Variants in MXI1 observed in about 807,000 individuals in gnomAD.
The protein encoded by MXI1 is max-interacting protein 1.
A neutral mutation model predicts 36.9 loss-of-function variants in MXI1; 18 were observed. That is an observed-to-expected ratio of 0.49 (90% confidence interval 0.34 to 0.72). The LOEUF (loss-of-function observed/expected upper bound fraction) is 0.72, where lower values mean the gene tolerates loss of function less well. Ranked by LOEUF, MXI1 falls within the 30% of genes least tolerant of loss-of-function variation. MXI1 has a pLI of 0.01. For synonymous variants in MXI1, 160 were observed against 146.7 expected, an observed-to-expected ratio of 1.09 and a Z score of -0.65; for missense variants, 304 against 379.1, an observed-to-expected ratio of 0.80 and a Z score of 1.64.
intron 1 of MXI1, among the ~76,000 whole-genome samples, chr10:110,223,991 CA>C (rs201838013): frequency 9.2e-5 from 13 of 141,678 alleles, no homozygotes; most frequent in East Asian, 2.0e-4. Flanking sequence ...TTCACTTTAC[CA>C]AAAAAAAAGA....
intron 3 of MXI1, among the ~76,000 whole-genome samples, chr10:110,269,267 A>G (rs533520462): frequency 6.6e-6 from 1 of 152,274 alleles, no homozygotes; most frequent in African/African-American, 2.4e-5. Flanking sequence ...CTTGGGCCAG[A>G]TTGTTCCTGT....
chr10:110,227,951 G>A, intron 1 of MXI1: 1 of 492,578 alleles, frequency 2.0e-6, no homozygotes, highest in Non-Finnish European at 3.6e-6. Flanking sequence ...AAGGATTTTG[G>A]AAAGGGGGGA....
chr10:110,256,241 T>C (rs1856288106), intron 3 of MXI1, among the ~76,000 whole-genome samples: 1 of 152,114 alleles, frequency 6.6e-6, no homozygotes, highest in Non-Finnish European at 1.5e-5. Flanking sequence ...GATGTTGCAT[T>C]AGGCATTGGT....
intron 1 of MXI1, among the ~76,000 whole-genome samples, chr10:110,220,502 T>C (rs113295022): frequency 0.053 from 8,044 of 152,240 alleles, 329 homozygotes; most frequent in Middle Eastern, 0.15. Context: ...TGTGGTTTAG[T>C]GTTCAGGGCC....
At chr10:110,260,946 C>G (rs1480107242) in intron 3 of MXI1, 1 of 961,462 alleles carries the variant, frequency 1.0e-6, no homozygotes, top group African/African-American at 1.8e-5. Flanking sequence ...TGCTCAGGCT[C>G]CAGAAATCTG....
intron 2 of MXI1, among the ~76,000 whole-genome samples, chr10:110,244,256 T>G (rs1855778277): frequency 1.3e-5 from 2 of 152,076 alleles, no homozygotes. Context: ...CTTGATTTTA[T>G]TAATATATTT....
chr10:110,260,681 G>T (rs1856481866), intron 3 of MXI1, among the ~76,000 whole-genome samples: 1 of 151,828 alleles, frequency 6.6e-6, no homozygotes, highest in African/African-American at 2.4e-5. Flanking sequence ...TATAAGACTA[G>T]AATTTGCCCT....
chr10:110,247,237 G>GT (rs775168684), intron 3 of MXI1, among the ~76,000 whole-genome samples: 6 of 152,188 alleles, frequency 3.9e-5, no homozygotes, highest in Middle Eastern at 3.4e-3. Flanking sequence ...GGGGTTGTTT[G>GT]TTTTTTTCTT....
intron 1 of MXI1, among the ~76,000 whole-genome samples, chr10:110,211,304 C>G (rs973003156): frequency 1.3e-5 from 2 of 152,278 alleles, no homozygotes; most frequent in South Asian, 4.1e-4. Flanking sequence ...ATCGGCAGCT[C>G]CAGCCTCTTC....
chr10:110,219,254 C>T (rs539714898), intron 1 of MXI1, among the ~76,000 whole-genome samples: 3 of 152,150 alleles, frequency 2.0e-5, no homozygotes, highest in Non-Finnish European at 2.9e-5. Context: ...GAGCCAAGGT[C>T]GTGCCACTGC....
At chr10:110,275,367 C>T (rs1208023851) in intron 3 of MXI1, among the ~76,000 whole-genome samples, 2 of 152,092 alleles carry the variant, frequency 1.3e-5, no homozygotes, top group Non-Finnish European at 2.9e-5. Context: ...TTCTAGGTCA[C>T]TGGTGGTTAA....
At chr10:110,227,582 G>GA (rs935132839) in intron 1 of MXI1, 2 of 979,584 alleles carry the variant, frequency 2.0e-6, no homozygotes, top group Admixed American at 1.2e-4. Context: ...CGGATGCTGG[G>GA]GGGGGTCAGG....
At chr10:110,230,888 A>AT (rs1270040635) in intron 2 of MXI1, among the ~76,000 whole-genome samples, 1 of 152,122 alleles carries the variant, frequency 6.6e-6, no homozygotes, top group Non-Finnish European at 1.5e-5. Flanking sequence ...TATATGTCTT[A>AT]TTTTTTCCTG....
chr10:110,272,020 A>G (rs1476135194), intron 3 of MXI1, among the ~76,000 whole-genome samples: 1 of 152,098 alleles, frequency 6.6e-6, no homozygotes, highest in Non-Finnish European at 1.5e-5. Context: ...GAGAGACATA[A>G]TCCCAGCCAT....
Position 110,208,749 on chromosome 10 carries a change from C to T in MXI1, c.274+667C>T, listed in dbSNP as rs867190887. Among the ~76,000 whole-genome samples, 850 of 149,178 alleles carry T rather than the reference C, an allele frequency of 5.7e-3. 35 individuals carry two copies. The highest frequency in any genetic ancestry group is 0.021 in the African/African-American group (819 of 39,688). Reference sequence around the variant, plus strand: ...GTGGGGTGCCACCGCCGCCCCCCCCCCCCCAAAGAAGGAGGCCGGCGGGGC... The same window carrying T: ...GTGGGGTGCCACCGCCGCCCCCCCCTCCCCAAAGAAGGAGGCCGGCGGGGC... On this transcript the variant is annotated intron_variant, in intron 1 of 5. Coordinates refer to ENST00000332674, the MANE Select transcript of MXI1 (RefSeq NM_130439.3).
intron 3 of MXI1, among the ~76,000 whole-genome samples, chr10:110,277,080 A>G (rs1365556645): frequency 6.6e-6 from 1 of 152,134 alleles, no homozygotes; most frequent in Admixed American, 6.5e-5. Context: ...TCTTGGCCTC[A>G]GTCTGCCCAC....
At chr10:110,212,996 T>C (rs561720903) in intron 1 of MXI1, among the ~76,000 whole-genome samples, 1 of 152,258 alleles carries the variant, frequency 6.6e-6, no homozygotes, top group South Asian at 2.1e-4. Context: ...AATATAAATG[T>C]TTTGATTGGT....
chr10:110,224,617 T>A (rs1030408330), intron 1 of MXI1, among the ~76,000 whole-genome samples: 1 of 150,478 alleles, frequency 6.6e-6, no homozygotes, highest in Non-Finnish European at 1.5e-5. Context: ...AGAGTGGCCA[T>A]GAATGAGCAG....
intron 2 of MXI1, among the ~76,000 whole-genome samples, chr10:110,240,026 TTG>T (rs1387501744): frequency 6.6e-6 from 1 of 152,094 alleles, no homozygotes. Context: ...TGTGTACTTT[TTG>T]TGTGTGTTTG....
Sources: allele counts gnomAD v4.1 joint callset (sites outside exome capture counted in the v4.1 genomes callset), GRCh38; gene constraint gnomAD v4.1.1; transcripts MANE v1.5; gene names NCBI Gene and HGNC (gene_info 2026-07-23, HGNC 2026-07-21).